Variants in SH3BGRL2 observed in about 807,000 individuals in gnomAD.
SH3BGRL2 encodes SH3 domain-binding glutamic acid-rich-like protein 2.
A neutral mutation model predicts 14.8 loss-of-function variants in SH3BGRL2; 21 were observed. The ratio of observed to expected loss-of-function variants is 1.42; its 90% CI spans 1.01 to 2.05. The LOEUF (loss-of-function observed/expected upper bound fraction) is 2.05. SH3BGRL2 is among the 30% of genes most tolerant of loss of function. SH3BGRL2 has a pLI of 0.00. For synonymous variants in SH3BGRL2, 50 were observed against 47.8 expected (o/e 1.05, Z -0.19); for missense variants, 147 against 130.8 (o/e 1.12, Z -0.61).
At chr6:79,618,910 C>CT in the SH3BGRL2 span, among the ~76,000 whole-genome samples, 1 of 7,658 alleles carries the variant, frequency 1.3e-4, no homozygotes, top group South Asian at 3.0e-3. Flanking sequence ...GAGTGAGACT[C>CT]TGTCAAAAAA....
chr6:79,662,748 C>T (rs1357134239), intron 1 of SH3BGRL2, among the ~76,000 whole-genome samples: 3 of 152,174 alleles, frequency 2.0e-5, no homozygotes, highest in Non-Finnish European at 4.4e-5. Context: ...TGTTTTCCAA[C>T]TTGGTTCCAT....
the SH3BGRL2 span, among the ~76,000 whole-genome samples, chr6:79,572,912 T>C: frequency 2.0e-5 from 3 of 152,242 alleles, no homozygotes; most frequent in African/African-American, 7.2e-5. Flanking sequence ...GTTGCCAATA[T>C]GCATTGCAAA....
intron 1 of SH3BGRL2, among the ~76,000 whole-genome samples, chr6:79,645,314 T>G (rs1372101843): frequency 6.6e-6 from 1 of 152,168 alleles, no homozygotes; most frequent in East Asian, 1.9e-4. Flanking sequence ...TAAATTCTTT[T>G]GAGCAAATAT....
At chr6:79,561,033 A>G in the SH3BGRL2 span, 3 of 151,516 alleles carry the variant, frequency 2.0e-5, no homozygotes, top group Admixed American at 1.3e-4. Flanking sequence ...GGCATGCGCC[A>G]CCACACCCTG....
At chr6:79,651,672 G>A (rs1769299158) in intron 1 of SH3BGRL2, among the ~76,000 whole-genome samples, 1 of 152,184 alleles carries the variant, frequency 6.6e-6, no homozygotes, top group Non-Finnish European at 1.5e-5. Flanking sequence ...TGGGGGTGCA[G>A]ATGTGATGTG....
the SH3BGRL2 span, among the ~76,000 whole-genome samples, chr6:79,584,304 T>C: frequency 6.6e-6 from 1 of 152,170 alleles, no homozygotes; most frequent in Non-Finnish European, 1.5e-5. Flanking sequence ...GTTCAAGGAA[T>C]GTATGCTTCA....
intron 1 of SH3BGRL2, among the ~76,000 whole-genome samples, chr6:79,665,988 C>T (rs1769652313): frequency 6.6e-6 from 1 of 152,182 alleles, no homozygotes; most frequent in Non-Finnish European, 1.5e-5. Flanking sequence ...AGCATTAGAA[C>T]ATTGCCAGTT....
At chr6:79,559,077 T>TC in the SH3BGRL2 span, among the ~76,000 whole-genome samples, 549 of 152,278 alleles carry the variant, frequency 3.6e-3, 4 homozygotes, top group African/African-American at 0.013. Flanking sequence ...GCACAGTGGC[T>TC]CATTCATTCC....
chr6:79,696,747 GT>G (rs937562931), intron 3 of SH3BGRL2, among the ~76,000 whole-genome samples, 182 bp downstream of exon 3: 9 of 151,814 alleles, frequency 5.9e-5, no homozygotes, highest in South Asian at 2.1e-4. Flanking sequence ...CTAGTTTTTT[GT>G]TTTTCCCCCC....
the SH3BGRL2 span, among the ~76,000 whole-genome samples, chr6:79,616,150 G>A: frequency 6.6e-6 from 1 of 152,114 alleles, no homozygotes; most frequent in Non-Finnish European, 1.5e-5. Context: ...ATCTTATTTT[G>A]TAATAATGTG....
At chr6:79,674,018 T>A (rs1316512134) in intron 2 of SH3BGRL2, among the ~76,000 whole-genome samples, 1 of 152,094 alleles carries the variant, frequency 6.6e-6, no homozygotes, top group Admixed American at 6.6e-5. Context: ...TGAATGTAAG[T>A]GCACGTGTGT....
At chr6:79,619,439 CTGT>C in the SH3BGRL2 span, among the ~76,000 whole-genome samples, 12 of 152,202 alleles carry the variant, frequency 7.9e-5, no homozygotes, top group Non-Finnish European at 1.2e-4. Context: ...CAGTCCTATG[CTGT>C]TGTTGTTGCT....
chr6:79,599,457 C>T, the SH3BGRL2 span, among the ~76,000 whole-genome samples: 6 of 151,492 alleles, frequency 4.0e-5, no homozygotes, highest in South Asian at 4.2e-4. Flanking sequence ...CTGCAACCTC[C>T]GCCTCCTGGG....
intron 2 of SH3BGRL2, among the ~76,000 whole-genome samples, chr6:79,680,067 C>T (rs1769960107): frequency 6.6e-6 from 1 of 152,096 alleles, no homozygotes; most frequent in African/African-American, 2.4e-5. Context: ...CTTTGATGAA[C>T]AAAAGGTTTT....
the SH3BGRL2 span, among the ~76,000 whole-genome samples, chr6:79,601,346 A>T: frequency 6.6e-6 from 1 of 151,934 alleles, no homozygotes; most frequent in Non-Finnish European, 1.5e-5. Context: ...GCAGCACCAC[A>T]CCCAGCTAAT....
chr6:79,695,895 GA>G (rs1770323864), intron 2 of SH3BGRL2, among the ~76,000 whole-genome samples: 1 of 152,196 alleles, frequency 6.6e-6, no homozygotes, highest in African/African-American at 2.4e-5. Context: ...GGTAGGAAGA[GA>G]AAAATGATTC....
Position 79,699,736 on chromosome 6 carries a change from G to A in SH3BGRL2, c.*227G>A, listed in dbSNP as rs1770415638. On this transcript the variant is annotated 3_prime_UTR_variant, in exon 4 of 4. Transcript: ENST00000369838. ...TTTTTTCTTATTCTATTTGCCTGCAGTTGCCTCACTCACCTGGAAATACCG... is the reference window on the plus strand; with the variant it reads ...TTTTTTCTTATTCTATTTGCCTGCAATTGCCTCACTCACCTGGAAATACCG... 2.0e-6 allele frequency: 1 copy of A among 490,706 alleles called. No homozygotes were observed. The allele number at this position is 490,706 out of a possible 1,614,324, so 30.4% of individuals were successfully genotyped here. A position where few individuals can be genotyped will look rare whatever the true frequency, so the allele number is the denominator to read the frequency against.
chr6:79,627,093 A>ACT (rs951497685), upstream of SH3BGRL2, among the ~76,000 whole-genome samples: 1 of 152,112 alleles, frequency 6.6e-6, no homozygotes. Flanking sequence ...CGGGCCACAG[A>ACT]CTAGCTTCCT....
chr6:79,606,339 C>A, the SH3BGRL2 span, among the ~76,000 whole-genome samples: 2 of 152,188 alleles, frequency 1.3e-5, no homozygotes, highest in East Asian at 3.8e-4. Context: ...CTATAGCTAC[C>A]TTCTTTTGTA....
Sources: gnomAD v4.1 joint callset for allele counts (sites outside exome capture counted in the v4.1 genomes callset) on GRCh38, gnomAD v4.1.1 for gene constraint, MANE v1.5 for transcripts, NCBI Gene and HGNC (gene_info 2026-07-23, HGNC 2026-07-21) for gene names.